Variants in SSBP2 observed in about 807,000 individuals in gnomAD.
The protein encoded by SSBP2 is single stranded DNA binding protein 2, also known as single-stranded DNA-binding protein 2.
SSBP2 carries 17 observed loss-of-function variants against 61.8 expected under a neutral mutation model. The observed-to-expected ratio is 0.28, with a 90% CI of 0.19 to 0.41. The LOEUF (loss-of-function observed/expected upper bound fraction) is 0.41, where lower values mean the gene tolerates loss of function less well. Ranked by LOEUF, SSBP2 falls within the 10% of genes least tolerant of loss-of-function variation. SSBP2 has a pLI of 1.00. For synonymous variants in SSBP2, 139 were observed against 141.3 expected (o/e 0.98, Z 0.12); for missense variants, 310 against 458.7 (o/e 0.68, Z 2.96).
intron 4 of SSBP2, among the ~76,000 whole-genome samples, chr5:81,529,323 A>C (rs187915324): frequency 8.5e-5 from 13 of 152,294 alleles, no homozygotes; most frequent in Non-Finnish European, 1.8e-4. Flanking sequence ...TGAAGTTATC[A>C]TAAGTTGTAG....
chr5:81,658,439 T>G (rs1020812238), intron 1 of SSBP2, among the ~76,000 whole-genome samples: 6 of 152,012 alleles, frequency 3.9e-5, no homozygotes, highest in African/African-American at 1.4e-4. Flanking sequence ...TTATACAAAA[T>G]GGCATAGTAT....
chr5:81,636,965 C>T (rs775890385), intron 2 of SSBP2, among the ~76,000 whole-genome samples: 34 of 152,106 alleles, frequency 2.2e-4, no homozygotes, highest in Non-Finnish European at 3.5e-4. Flanking sequence ...CTGTTAGGTC[C>T]CATAAACTAA....
At chr5:81,437,521 C>T in intron 14 of SSBP2, 63 bp from the exon 15 acceptor site, 3 of 1,382,710 alleles carry the variant, frequency 2.2e-6, no homozygotes, top group Non-Finnish European at 3.0e-6. Flanking sequence ...ATTAAACACT[C>T]CTTTAATTTA....
intron 10 of SSBP2, among the ~76,000 whole-genome samples, chr5:81,460,036 T>A (rs537224020): frequency 1.3e-5 from 2 of 152,312 alleles, no homozygotes; most frequent in East Asian, 3.9e-4. Context: ...ATTAACATTT[T>A]AAAAAATATA....
At chr5:81,490,740 C>T (rs2154054684) in intron 5 of SSBP2, among the ~76,000 whole-genome samples, 1 of 152,264 alleles carries the variant, frequency 6.6e-6, no homozygotes, top group Middle Eastern at 3.4e-3. Flanking sequence ...TTTGCAGAGT[C>T]TGACAAACCA....
intron 9 of SSBP2, among the ~76,000 whole-genome samples, chr5:81,462,534 G>A (rs537428244): frequency 2.9e-4 from 44 of 152,268 alleles, no homozygotes; most frequent in Middle Eastern, 3.4e-3. Flanking sequence ...TGCATAGGGA[G>A]AAAGAAGGTG....
At chr5:81,514,278 G>C (rs1258460634) in intron 4 of SSBP2, among the ~76,000 whole-genome samples, 1 of 151,696 alleles carries the variant, frequency 6.6e-6, no homozygotes, top group East Asian at 1.9e-4. Flanking sequence ...GGACAAAAAA[G>C]TAAATAAGGG....
chr5:81,710,551 T>C (rs1754703300), intron 1 of SSBP2: 1 of 350,246 alleles, frequency 2.9e-6, no homozygotes. Context: ...CAAAGTATAA[T>C]ATGAGGGGCT....
At chr5:81,749,005 T>G (rs1018745280) in intron 1 of SSBP2, among the ~76,000 whole-genome samples, 1 of 152,174 alleles carries the variant, frequency 6.6e-6, no homozygotes, top group Non-Finnish European at 1.5e-5. Context: ...ATTCTCAAAT[T>G]CAGTCACCCC....
At chr5:81,472,415 T>C (rs545606637) in intron 8 of SSBP2, among the ~76,000 whole-genome samples, 2 of 152,258 alleles carry the variant, frequency 1.3e-5, no homozygotes, top group East Asian at 1.9e-4. Context: ...TGTATACTGA[T>C]AGTATTATGC....
At chr5:81,460,274 T>C (rs1443352888) in intron 10 of SSBP2, among the ~76,000 whole-genome samples, 1 of 152,210 alleles carries the variant, frequency 6.6e-6, no homozygotes, top group African/African-American at 2.4e-5. Context: ...TATTTCATTC[T>C]CCTACTGACT....
chr5:81,730,308 T>C lies in SSBP2; in HGVS notation c.62+20673A>G, dbSNP rs1174556433. ...GGCACGATCTCGGCTCACTGCAACCTCCACCTCCTGGGTTCAAGCAATCCT... is the reference window on the plus strand; with the variant it reads ...GGCACGATCTCGGCTCACTGCAACCCCCACCTCCTGGGTTCAAGCAATCCT... On this transcript the variant is annotated intron_variant, in intron 1 of 16. Coordinates refer to ENST00000320672, the MANE Select transcript of SSBP2 (RefSeq NM_012446.5). 3.9e-5 allele frequency among the ~76,000 whole-genome samples: 6 copies of C among 152,274 alleles called. No individual in the cohort carries two copies. In the East Asian group the frequency reaches 1.2e-3, roughly 29 times the overall value.
At chr5:81,750,940 G>C (rs1581480800) in intron 1 of SSBP2, 41 bp downstream of exon 1, 3 of 1,561,080 alleles carry the variant, frequency 1.9e-6, no homozygotes, top group Non-Finnish European at 2.6e-6. Context: ...GAGTGTGCGC[G>C]CGTGTGAAGG....
intron 1 of SSBP2, among the ~76,000 whole-genome samples, chr5:81,655,734 A>ATAC (rs1750153686): frequency 2.0e-5 from 3 of 152,232 alleles, no homozygotes; most frequent in Admixed American, 2.0e-4. Context: ...CATGTGATGG[A>ATAC]TACTAGACTC....
chr5:81,604,543 A>C (rs995839374), intron 4 of SSBP2, among the ~76,000 whole-genome samples: 2 of 152,060 alleles, frequency 1.3e-5, no homozygotes, highest in Non-Finnish European at 2.9e-5. Flanking sequence ...GCAAGTTCCA[A>C]TTTATCCTTC....
chr5:81,603,690 C>T (rs1289662453), intron 4 of SSBP2, among the ~76,000 whole-genome samples: 1 of 152,048 alleles, frequency 6.6e-6, no homozygotes, highest in Non-Finnish European at 1.5e-5. Context: ...AAAGAATGTA[C>T]TAAAATCATT....
intron 1 of SSBP2, among the ~76,000 whole-genome samples, chr5:81,710,289 G>A (rs1238419096): frequency 2.0e-5 from 3 of 152,016 alleles, no homozygotes; most frequent in South Asian, 2.1e-4. Context: ...TGGCTTCCTC[G>A]CAAAGGCAGT....
chr5:81,609,561 A>C (rs961979997), intron 4 of SSBP2, among the ~76,000 whole-genome samples: 2 of 152,254 alleles, frequency 1.3e-5, no homozygotes, highest in African/African-American at 4.8e-5. Context: ...TAATTTGTAC[A>C]TAAATAGGTA....
intron 4 of SSBP2, among the ~76,000 whole-genome samples, chr5:81,546,741 G>A (rs1771755559): frequency 6.6e-6 from 1 of 151,528 alleles, no homozygotes; most frequent in South Asian, 2.1e-4. Context: ...GGTAACTTTT[G>A]GACAGGCTAC....
Sources: gnomAD v4.1 joint callset for allele counts (sites outside exome capture counted in the v4.1 genomes callset) on GRCh38, gnomAD v4.1.1 for gene constraint, MANE v1.5 for transcripts, NCBI Gene and HGNC (gene_info 2026-07-23, HGNC 2026-07-21) for gene names.